Variants in FHIT observed in about 807,000 individuals in gnomAD.
The protein encoded by FHIT is bis(5'-adenosyl)-triphosphatase.
In FHIT, 19 loss-of-function variants were observed where a neutral mutation model predicts 17.9. The ratio of observed to expected loss-of-function variants is 1.06; its 90% confidence interval spans 0.74 to 1.56. The LOEUF (loss-of-function observed/expected upper bound fraction) is 1.56. Among genes scored for constraint, FHIT ranks in the 40% most tolerant of loss-of-function variants. The pLI, the probability that FHIT is intolerant of heterozygous loss-of-function variation, is 0.00. For synonymous variants in FHIT, 81 were observed against 69.7 expected (o/e 1.16, Z -0.81); for missense variants, 248 against 189.2 (o/e 1.31, Z -1.82).
chr3:60,788,968 A>G (rs1190949782), intron 4 of FHIT, among the ~76,000 whole-genome samples: 6 of 151,978 alleles, frequency 3.9e-5, no homozygotes, highest in African/African-American at 1.2e-4. Context: ...TCCAAAATAT[A>G]TGTATCCCCA....
intron 5 of FHIT, among the ~76,000 whole-genome samples, chr3:60,491,988 G>T (rs758595300): frequency 1.3e-5 from 2 of 152,090 alleles, no homozygotes; most frequent in Non-Finnish European, 2.9e-5. Flanking sequence ...TTCTAACCTC[G>T]TTTATGTGAA....
At chr3:60,175,021 A>G (rs150780118) in intron 5 of FHIT, among the ~76,000 whole-genome samples, 13 of 152,310 alleles carry the variant, frequency 8.5e-5, no homozygotes, top group African/African-American at 2.9e-4. Context: ...TTAAACCACC[A>G]TAAAATCCTG....
At chr3:60,365,060 A>G (rs899887850) in intron 5 of FHIT, among the ~76,000 whole-genome samples, 1 of 150,562 alleles carries the variant, frequency 6.6e-6, no homozygotes, top group South Asian at 2.1e-4. Context: ...ATATATATAT[A>G]TATTCTATTG....
intron 8 of FHIT, among the ~76,000 whole-genome samples, chr3:59,887,201 C>T (rs1703661847): frequency 6.6e-6 from 1 of 152,196 alleles, no homozygotes; most frequent in South Asian, 2.1e-4. Context: ...CATAGCCTCG[C>T]AGATCCCCCA....
At position 60,890,761 on chromosome 3, in the gene FHIT, G is replaced by A. The variant is rs539029557; in HGVS notation, c.-110-68750C>T. Among the ~76,000 whole-genome samples the A allele has an allele frequency of 2.6e-5, 4 of 152,330 alleles. No individual in the cohort carries two copies. The South Asian group carries it at 8.3e-4, about 32-fold the overall frequency. ...GCCTAGAACAGACTGCCCTAGGACA[G>A]ATGATTAAGTTAGTTTGGGTCCAAT... On this transcript the variant is annotated intron_variant, in intron 3 of 9. Transcript: ENST00000492590.
rs564613115 is a variant in FHIT at position 60,324,491 on chromosome 3, A to C, written c.103+212369T>G. On this transcript the variant is annotated intron_variant, in intron 5 of 9. Coordinates refer to ENST00000492590, the MANE Select transcript of FHIT (RefSeq NM_002012.4). The stretch of plus-strand genomic sequence containing the variant: ...TCCCAGCTGCTCGGGATGCTGAGGC[A>C]GAAGAATGGCCTGAACCCAGGAGGC... Among the ~76,000 whole-genome samples the C allele has an allele frequency of 4.6e-5, 7 of 151,896 alleles. No individual in the cohort carries two copies. In the East Asian group the frequency reaches 1.4e-3, roughly 30 times the overall value.
At chr3:60,405,861 C>G (rs890812884) in intron 5 of FHIT, among the ~76,000 whole-genome samples, 6 of 152,206 alleles carry the variant, frequency 3.9e-5, no homozygotes, top group African/African-American at 1.4e-4. Flanking sequence ...AGCTAGACAA[C>G]TCTTTGTTGT....
At chr3:60,055,781 C>G (rs1291427760) in intron 5 of FHIT, among the ~76,000 whole-genome samples, 1 of 152,142 alleles carries the variant, frequency 6.6e-6, no homozygotes, top group Non-Finnish European at 1.5e-5. Flanking sequence ...ACAACTAGCA[C>G]TTAGAGGAAC....
intron 4 of FHIT, among the ~76,000 whole-genome samples, chr3:60,672,904 T>TGTGTGTGTGTGTGTGTGTGC (rs1159104600): frequency 6.6e-6 from 1 of 151,350 alleles, no homozygotes; most frequent in Non-Finnish European, 1.5e-5. Context: ...TGTGTGTGTG[T>TGTGTGTGTGTGTGTGTGTGC]GTGCATGCAT....
intron 8 of FHIT, among the ~76,000 whole-genome samples, chr3:59,820,662 T>C (rs912511826): frequency 1.3e-5 from 2 of 152,224 alleles, no homozygotes; most frequent in African/African-American, 4.8e-5. Context: ...AGAGATCTCA[T>C]GACTCACAAA....
At chr3:60,770,982 A>G (rs1376502567) in intron 4 of FHIT, among the ~76,000 whole-genome samples, 1 of 152,204 alleles carries the variant, frequency 6.6e-6, no homozygotes, top group Non-Finnish European at 1.5e-5. Context: ...ACAACCTAAC[A>G]GTTCTCTCTC....
intron 7 of FHIT, among the ~76,000 whole-genome samples, chr3:59,967,260 AT>A (rs1707970419): frequency 6.6e-6 from 1 of 152,218 alleles, no homozygotes; most frequent in Non-Finnish European, 1.5e-5. Context: ...TTTTAAAAAA[AT>A]AATAAATACA....
intron 2 of FHIT, among the ~76,000 whole-genome samples, chr3:61,159,760 T>C (rs1054517968): frequency 1.3e-5 from 2 of 152,238 alleles, no homozygotes; most frequent in Non-Finnish European, 2.9e-5. Flanking sequence ...AGCAGTAGGA[T>C]ACCAACTTAA....
intron 3 of FHIT, among the ~76,000 whole-genome samples, chr3:60,958,466 T>G (rs1325823358): frequency 6.6e-6 from 1 of 152,226 alleles, no homozygotes; most frequent in Non-Finnish European, 1.5e-5. Context: ...AGATGTAGTA[T>G]TATTTATACT....
chr3:60,452,182 A>T (rs2031791922), intron 5 of FHIT, among the ~76,000 whole-genome samples: 1 of 152,196 alleles, frequency 6.6e-6, no homozygotes, highest in African/African-American at 2.4e-5. Flanking sequence ...TTACAGTGCA[A>T]CTCTAAGGTA....
chr3:60,399,316 C>G (rs1701573662), intron 5 of FHIT, among the ~76,000 whole-genome samples: 1 of 152,128 alleles, frequency 6.6e-6, no homozygotes, highest in Admixed American at 6.6e-5. Flanking sequence ...TCTTAACCCT[C>G]AGGATAGAAG....
At chr3:59,983,067 T>C (rs1287787943) in intron 7 of FHIT, among the ~76,000 whole-genome samples, 1 of 151,954 alleles carries the variant, frequency 6.6e-6, no homozygotes, top group Non-Finnish European at 1.5e-5. Flanking sequence ...GTCTTCCAAG[T>C]AGCTGGGACT....
intron 2 of FHIT, among the ~76,000 whole-genome samples, chr3:61,191,116 G>C (rs755447004): frequency 1.1e-4 from 16 of 152,016 alleles, no homozygotes; most frequent in Non-Finnish European, 1.9e-4. Flanking sequence ...AAATTTTCCT[G>C]TTTCACCTCA....
chr3:60,582,074 C>T (rs2037765192), intron 4 of FHIT, among the ~76,000 whole-genome samples: 1 of 151,900 alleles, frequency 6.6e-6, no homozygotes, highest in Admixed American at 6.6e-5. Flanking sequence ...TGATTCTCAA[C>T]CTTGGCTGGA....
Sources: allele counts gnomAD v4.1 joint callset (sites outside exome capture counted in the v4.1 genomes callset), GRCh38; gene constraint gnomAD v4.1.1; transcripts MANE v1.5; gene names NCBI Gene and HGNC (gene_info 2026-07-23, HGNC 2026-07-21).